SLC44A5: variants seen among roughly 807,000 people sequenced by gnomAD.
The protein encoded by SLC44A5 is choline transporter-like protein 5.
SLC44A5 carries 57 observed loss-of-function variants against 101.8 expected under a neutral mutation model. The observed-to-expected ratio is 0.56, with a 90% confidence interval of 0.45 to 0.70. SLC44A5 has a LOEUF of 0.70. SLC44A5 is among the 30% of genes least tolerant of loss of function. The pLI, the probability that SLC44A5 is intolerant of heterozygous loss-of-function variation, is 0.00. For synonymous variants in SLC44A5, 281 were observed against 290.9 expected (o/e 0.97, Z 0.35); for missense variants, 737 against 853.1 (o/e 0.86, Z 1.70).
chr1:75,574,331 T>C (rs948589464), intron 1 of SLC44A5, among the ~76,000 whole-genome samples: 1 of 152,206 alleles, frequency 6.6e-6, no homozygotes, highest in Non-Finnish European at 1.5e-5. Context: ...AACCATGCTA[T>C]TTGGCTTTGG....
At chr1:75,687,169 G>T in the SLC44A5 span, among the ~76,000 whole-genome samples, 1 of 151,940 alleles carries the variant, frequency 6.6e-6, no homozygotes, top group African/African-American at 2.4e-5. Flanking sequence ...TTTGACCTAG[G>T]TTTCACCTAG....
At chr1:75,569,202 T>C (rs1029639863) in intron 1 of SLC44A5, among the ~76,000 whole-genome samples, 1 of 151,574 alleles carries the variant, frequency 6.6e-6, no homozygotes, top group African/African-American at 2.4e-5. Context: ...AAATAACCTT[T>C]CATGACTTTA....
At chr1:75,349,715 T>G (rs1234459775) in intron 3 of SLC44A5, among the ~76,000 whole-genome samples, 1 of 152,100 alleles carries the variant, frequency 6.6e-6, no homozygotes, top group Non-Finnish European at 1.5e-5. Context: ...AAAGCAATAA[T>G]TAATAAAGTC....
At chr1:75,430,436 G>A (rs1046524409) in intron 2 of SLC44A5, among the ~76,000 whole-genome samples, 15 of 152,232 alleles carry the variant, frequency 9.9e-5, no homozygotes, top group South Asian at 8.3e-4. Context: ...TTATAGAAGC[G>A]CAAATGGACT....
chr1:75,489,835 A>C (rs1668342313), intron 2 of SLC44A5, among the ~76,000 whole-genome samples: 2 of 152,224 alleles, frequency 1.3e-5, no homozygotes, highest in Non-Finnish European at 2.9e-5. Context: ...TTTTAATAGT[A>C]AGCAAAATAA....
chr1:75,494,297 C>T lies in SLC44A5; in HGVS notation c.13+47138G>A, dbSNP rs146558485. Among the ~76,000 whole-genome samples, 289 of 152,280 alleles carry T rather than the reference C, an allele frequency of 1.9e-3. 2 individuals are homozygous for T. The highest frequency in any genetic ancestry group is 2.3e-3 in the Non-Finnish European group (155 of 68,022). On this transcript the variant is annotated intron_variant, in intron 2 of 23. Transcript: ENST00000370859. Reference sequence around the variant, plus strand: ...AGTCTCAGCTATTCTGTTATAGCAACACACAATTGACTGAGACATTACCCC... The same window carrying T: ...AGTCTCAGCTATTCTGTTATAGCAATACACAATTGACTGAGACATTACCCC...
intron 3 of SLC44A5, among the ~76,000 whole-genome samples, chr1:75,348,870 T>C (rs1194428459): frequency 6.6e-6 from 1 of 152,182 alleles, no homozygotes; most frequent in African/African-American, 2.4e-5. Context: ...AGTTACCTAG[T>C]AGATTTGAAA....
intron 3 of SLC44A5, among the ~76,000 whole-genome samples, chr1:75,383,574 G>A (rs1369037820): frequency 8.5e-5 from 13 of 152,210 alleles, no homozygotes; most frequent in East Asian, 3.9e-4. Context: ...CCAAATCTAC[G>A]TCTGATTGGT....
chr1:75,622,432 T>C, the SLC44A5 span, among the ~76,000 whole-genome samples: 195 of 152,156 alleles, frequency 1.3e-3, no homozygotes, highest in African/African-American at 4.4e-3. Context: ...AGGAGTTAAT[T>C]AATAGGGCAC....
the SLC44A5 span, among the ~76,000 whole-genome samples, chr1:75,655,378 C>G: frequency 6.6e-6 from 1 of 152,124 alleles, no homozygotes; most frequent in Non-Finnish European, 1.5e-5. Context: ...TTAGGCTAGC[C>G]CTGGGGCAGA....
At chr1:75,473,475 T>A (rs1250254313) in intron 2 of SLC44A5, among the ~76,000 whole-genome samples, 4 of 152,146 alleles carry the variant, frequency 2.6e-5, no homozygotes, top group African/African-American at 9.7e-5. Flanking sequence ...GTCAGACAAT[T>A]TTTGGTGAGG....
intron 3 of SLC44A5, among the ~76,000 whole-genome samples, chr1:75,391,562 A>G (rs1474172235): frequency 1.3e-5 from 2 of 152,210 alleles, no homozygotes; most frequent in Non-Finnish European, 2.9e-5. Context: ...CTCAGAAATA[A>G]AGCTGCACTC....
intron 1 of SLC44A5, among the ~76,000 whole-genome samples, chr1:75,544,485 C>A (rs1671535012): frequency 6.6e-6 from 1 of 152,070 alleles, no homozygotes; most frequent in Admixed American, 6.6e-5. Context: ...CTTTTGATTT[C>A]TCTTTCTGTG....
rs953266580 is a variant in SLC44A5 at position 75,460,784 on chromosome 1, A to G, written c.14-64163T>C. 2.0e-5 allele frequency among the ~76,000 whole-genome samples: 3 copies of G among 152,202 alleles called. No individual in the cohort carries two copies. In the East Asian group the frequency reaches 5.8e-4, roughly 29 times the overall value. On this transcript the variant is annotated intron_variant, in intron 2 of 23. Coordinates refer to ENST00000370859, the MANE Select transcript of SLC44A5 (RefSeq NM_001130058.2). ...TCTCAATAGGAATAATCTCATGTCA[A>G]CATTTAACCAATCTTTTCTCCATTT...
chr1:75,689,127 G>C, the SLC44A5 span, among the ~76,000 whole-genome samples: 1 of 152,182 alleles, frequency 6.6e-6, no homozygotes, highest in African/African-American at 2.4e-5. Context: ...CTGCCTCAGA[G>C]CTTTAGGAAT....
rs779596124 is a variant in SLC44A5, at chr1:75,218,530, G to A, written c.1489C>T (p.Pro497Ser). ...YWAMKKPDDI[P>S]RYPLFTAFGR... The stretch of plus-strand genomic sequence containing the variant: ...AATGCAGTAAAAAGTGGATATCGTG[G>A]GATGTCATCAGGTTTTTTCATGGCC... Residue 497 changes from proline (P) to serine (S), a missense_variant, in exon 17 of 24, where the codon CCA becomes TCA. Physicochemically the swap from Pro to Ser is moderately conservative, Grantham distance 74 (BLOSUM62 -1). Transcript: ENST00000370859. 7 of 1,613,748 alleles carry A rather than the reference G, an allele frequency of 4.3e-6. No individual in the cohort carries two copies. The South Asian group carries it at 6.6e-5, about 15-fold the overall frequency.
chr1:75,258,110 G>T lies in SLC44A5; in HGVS notation c.261-6816C>A, dbSNP rs1570489796. On this transcript the variant is annotated intron_variant, in intron 6 of 23. Transcript: ENST00000370859. ...GGCCCTGGGTTTCCAGCACAAAACT[G>T]GGTGGCCATTTGGGCAGACACCAAG... Among the ~76,000 whole-genome samples, 3 of 152,110 alleles carry T rather than the reference G, an allele frequency of 2.0e-5. No individual in the cohort carries two copies. The East Asian group carries it at 5.8e-4, about 29-fold the overall frequency.
At chr1:75,232,115 AT>A (rs5775279) in intron 12 of SLC44A5, among the ~76,000 whole-genome samples, 42,590 of 151,652 alleles carry the variant, frequency 0.28, 6,225 homozygotes, top group Middle Eastern at 0.36. Context: ...CCCTCAGTAA[AT>A]TACTGTCAAG....
the SLC44A5 span, among the ~76,000 whole-genome samples, chr1:75,667,536 T>C: frequency 1.3e-5 from 2 of 152,192 alleles, no homozygotes; most frequent in Non-Finnish European, 2.9e-5. Flanking sequence ...GCTATCCCCA[T>C]CAAGCTACCA....
Sources: allele counts gnomAD v4.1 joint callset (sites outside exome capture counted in the v4.1 genomes callset), GRCh38; gene constraint gnomAD v4.1.1; transcripts MANE v1.5; gene names NCBI Gene and HGNC (gene_info 2026-07-23, HGNC 2026-07-21).